The following SCGB2B2 variants were observed in gnomAD, a reference collection of about 807,000 sequenced individuals.
SCGB2B2 encodes secretoglobin-like protein.
In SCGB2B2, 11 loss-of-function variants were observed where a neutral mutation model predicts 7.6. The ratio of observed to expected loss-of-function variants is 1.45; its 90% CI spans 0.91 to 2.40. The LOEUF (loss-of-function observed/expected upper bound fraction) is 2.40, where lower values mean the gene tolerates loss of function less well. Ranked by LOEUF, SCGB2B2 falls within the 30% of genes most tolerant of loss-of-function variation. The pLI, the probability that SCGB2B2 is intolerant of heterozygous loss-of-function variation, is 0.00. For missense variants in SCGB2B2, 104 were observed against 115.4 expected (o/e 0.90, Z 0.45); for synonymous variants, 50 against 48.6 (o/e 1.03, Z -0.12).
intron 1 of SCGB2B2, chr19:34,637,706 A>G (rs2066725017): frequency 6.6e-6 from 1 of 151,804 alleles, no homozygotes; most frequent in African/African-American, 2.4e-5. Context: ...TTTCCTGATC[A>G]GATCTATAAG....
chr19:34,644,157 C>T (rs1467042206), intron 1 of SCGB2B2, among the ~76,000 whole-genome samples: 1 of 152,074 alleles, frequency 6.6e-6, no homozygotes, highest in Non-Finnish European at 1.5e-5. Flanking sequence ...CTAAATCTTC[C>T]ACTTCATCTG....
Position 34,677,104 on chromosome 19 carries a change from C to T in SCGB2B2, c.-3506G>A, listed in dbSNP as rs896470294. 6.8e-6 allele frequency: 1 copy of T among 148,074 alleles called. No individual in the cohort carries two copies. The highest frequency in any genetic ancestry group is 2.5e-5 in the African/African-American group (1 of 39,890). 9.2% of individuals were successfully genotyped at this position (148,074 alleles called of 1,614,324 possible). A position where few individuals can be genotyped will look rare whatever the true frequency, so the allele number is the denominator to read the frequency against. ...ATGCCCTTGGTTGGCGAACTACAGT[C>T]GTGACAGTCGGGCCACAGGGCGTTT... On this transcript the variant is annotated 5_prime_UTR_variant, in exon 1 of 4. Transcript: ENST00000601241.
intron 1 of SCGB2B2, among the ~76,000 whole-genome samples, chr19:34,635,943 C>G (rs1342362151): frequency 1.3e-5 from 2 of 152,194 alleles, no homozygotes; most frequent in Non-Finnish European, 2.9e-5. Flanking sequence ...CCACATGCCC[C>G]CCGTGTGTGC....
At chr19:34,674,305 T>C (rs754143996) in intron 1 of SCGB2B2, among the ~76,000 whole-genome samples, 1 of 152,128 alleles carries the variant, frequency 6.6e-6, no homozygotes, top group Non-Finnish European at 1.5e-5. Flanking sequence ...ATATAATCTC[T>C]AGAAGAGAAA....
chr19:34,602,953 T>C (rs537145465), intron 1 of SCGB2B2, among the ~76,000 whole-genome samples: 55 of 152,318 alleles, frequency 3.6e-4, no homozygotes, highest in African/African-American at 1.1e-3. Context: ...TTGGAAGAAT[T>C]TGTGTAAGGT....
intron 1 of SCGB2B2, among the ~76,000 whole-genome samples, chr19:34,606,511 C>CTTTTTT (rs774587331): frequency 2.2e-5 from 2 of 92,586 alleles, no homozygotes; most frequent in African/African-American, 6.5e-5. Context: ...TTTTTCTTTT[C>CTTTTTT]TTTTTCTTTT....
chr19:34,636,962 T>C (rs2066698722), intron 1 of SCGB2B2, among the ~76,000 whole-genome samples: 1 of 151,798 alleles, frequency 6.6e-6, no homozygotes, highest in Admixed American at 6.6e-5. Context: ...GACAGGTGAG[T>C]GGACAGCAGG....
intron 1 of SCGB2B2, among the ~76,000 whole-genome samples, chr19:34,658,295 A>G (rs1206619314): frequency 1.3e-5 from 2 of 152,216 alleles, no homozygotes; most frequent in African/African-American, 4.8e-5. Flanking sequence ...TTCAAAAAAA[A>G]TCAATGAATC....
intron 1 of SCGB2B2, among the ~76,000 whole-genome samples, chr19:34,629,168 G>A (rs1252163938): frequency 2.0e-5 from 3 of 151,906 alleles, no homozygotes; most frequent in Non-Finnish European, 4.4e-5. Flanking sequence ...ATATCATACT[G>A]AATGGGCAAA....
rs549676536 is a variant in SCGB2B2 at position 34,602,839 on chromosome 19, A to C, written c.-2031-6245T>G. Among the ~76,000 whole-genome samples the C allele has an allele frequency of 3.4e-4, 52 of 152,304 alleles. No homozygotes were observed. The East Asian group carries it at 0.01, about 29-fold the overall frequency. ...TTTAACTTTGCTCACCCCACAGCCA[A>C]GAGCCATTCATTAAACTCTCCTCAG... On this transcript the variant is annotated intron_variant, in intron 1 of 3. Coordinates refer to ENST00000601241, the MANE Select transcript of SCGB2B2 (RefSeq NM_001025591.4).
chr19:34,629,213 G>A (rs1298939849), intron 1 of SCGB2B2, among the ~76,000 whole-genome samples: 2 of 151,902 alleles, frequency 1.3e-5, no homozygotes, highest in South Asian at 2.1e-4. Flanking sequence ...CTGGCACAAG[G>A]TAGGGATGCC....
At chr19:34,663,054 C>A (rs1262345386) in intron 1 of SCGB2B2, among the ~76,000 whole-genome samples, 2 of 152,214 alleles carry the variant, frequency 1.3e-5, no homozygotes, top group Non-Finnish European at 2.9e-5. Flanking sequence ...CATTACACCA[C>A]AAAATGCAAA....
chr19:34,623,634 C>T (rs937821813), intron 1 of SCGB2B2, among the ~76,000 whole-genome samples: 2 of 152,108 alleles, frequency 1.3e-5, no homozygotes, highest in Non-Finnish European at 2.9e-5. Context: ...CTAAAAGGCT[C>T]CCATGGTACC....
intron 1 of SCGB2B2, among the ~76,000 whole-genome samples, chr19:34,667,246 C>T (rs2067655934): frequency 6.6e-6 from 1 of 152,196 alleles, no homozygotes; most frequent in Admixed American, 6.5e-5. Flanking sequence ...CCCTCTGATA[C>T]TCAACCTCTG....
intron 1 of SCGB2B2, among the ~76,000 whole-genome samples, chr19:34,631,720 C>A (rs2066540943): frequency 6.6e-6 from 1 of 151,952 alleles, no homozygotes; most frequent in African/African-American, 2.4e-5. Context: ...AATGCAATCC[C>A]AATCAAAATC....
At chr19:34,585,805 A>AAAACCTG (rs375738304), downstream of SCGB2B2, among the ~76,000 whole-genome samples, 41 of 152,328 alleles carry the variant, frequency 2.7e-4, no homozygotes, top group African/African-American at 9.1e-4. Context: ...ACACACAAAG[A>AAAACCTG]AAACCTGAAA....
chr19:34,629,933 T>G (rs1426064795), intron 1 of SCGB2B2, among the ~76,000 whole-genome samples: 1 of 151,826 alleles, frequency 6.6e-6, no homozygotes, highest in Non-Finnish European at 1.5e-5. Context: ...CAATGGAACA[T>G]AACAGAACCC....
In SCGB2B2 at chr19:34,645,776, C is replaced by CATG. The variant is rs2066993705; in HGVS notation, c.-2032+29853_-2032+29854insCAT. ...GAAACAGGTGGCCCTGCTCCTTCAC[C>CATG]GTCATTGCCATCCCAGGGTCTCAGC... On this transcript the variant is annotated intron_variant, in intron 1 of 3. Coordinates refer to ENST00000601241, the MANE Select transcript of SCGB2B2 (RefSeq NM_001025591.4). The CATG allele has an allele frequency of 1.3e-5, 4 of 306,378 alleles. No individual in the cohort carries two copies. The Admixed American group carries it at 1.6e-4, about 12-fold the overall frequency. 19.0% of individuals were successfully genotyped at this position (306,378 alleles called of 1,614,324 possible).
intron 3 of SCGB2B2, 67 bp from the exon 4 acceptor site, chr19:34,593,666 T>A: frequency 1.5e-6 from 2 of 1,341,422 alleles, no homozygotes; most frequent in Non-Finnish European, 2.1e-6. Context: ...CTCATCGTTA[T>A]TGCCCGGTCC....
Sources: allele counts gnomAD v4.1 joint callset (sites outside exome capture counted in the v4.1 genomes callset), GRCh38; gene constraint gnomAD v4.1.1; transcripts MANE v1.5; gene names NCBI Gene and HGNC (gene_info 2026-07-23, HGNC 2026-07-21).